The following PPP2R2C variants were observed in gnomAD, a reference collection of about 807,000 sequenced individuals.
PPP2R2C encodes the protein protein phosphatase 2 regulatory subunit Bgamma.
PPP2R2C carries 10 observed loss-of-function variants against 45.3 expected under a neutral mutation model. That is an observed-to-expected ratio of 0.22 (90% CI 0.14 to 0.37). The LOEUF (loss-of-function observed/expected upper bound fraction) is 0.37, where lower values mean the gene tolerates loss of function less well. PPP2R2C is among the 10% of genes least tolerant of loss of function. PPP2R2C has a pLI of 1.00. For synonymous variants in PPP2R2C, 257 were observed against 245.4 expected (o/e 1.05, Z -0.44); for missense variants, 308 against 619.7 (o/e 0.50, Z 5.34).
In PPP2R2C at chr4:6,323,209, G is replaced by T; in HGVS notation, c.*93C>A. The T allele has an allele frequency of 6.9e-7, 1 of 1,446,788 alleles. No homozygotes were observed. The highest frequency in any genetic ancestry group is 9.4e-7 in the Non-Finnish European group (1 of 1,066,780). 89.6% of individuals were successfully genotyped at this position (1,446,788 alleles called of 1,614,324 possible). Reference sequence around the variant, plus strand: ...CTGCAGCTGTCCTCATCAGTGCTGTGACTTTCTTCCCCTCCTTGCATTGCG... The same window carrying T: ...CTGCAGCTGTCCTCATCAGTGCTGTTACTTTCTTCCCCTCCTTGCATTGCG... On this transcript the variant is annotated 3_prime_UTR_variant, in exon 9 of 9. Transcript: ENST00000382599.
chr4:6,428,275 CTG>C (rs1214623996), intron 1 of PPP2R2C, among the ~76,000 whole-genome samples: 3 of 152,186 alleles, frequency 2.0e-5, no homozygotes, highest in Non-Finnish European at 4.4e-5. Flanking sequence ...GTCAACATGG[CTG>C]TGTTTGGATC....
chr4:6,515,499 T>C (rs1170574054), intron 2 of PPP2R2C, among the ~76,000 whole-genome samples: 1 of 152,232 alleles, frequency 6.6e-6, no homozygotes, highest in African/African-American at 2.4e-5. Context: ...CATCTCTTTG[T>C]GTCCTGGTTT....
At chr4:6,434,562 C>T (rs4689006) in intron 1 of PPP2R2C, among the ~76,000 whole-genome samples, 149,686 of 152,044 alleles carry the variant, frequency 0.98, 73,717 homozygotes, top group Middle Eastern at 1. Flanking sequence ...TTTCGTGATG[C>T]TGGCCAGTCT....
intron 2 of PPP2R2C, among the ~76,000 whole-genome samples, chr4:6,497,444 G>A (rs1411340719): frequency 2.0e-5 from 3 of 152,070 alleles, no homozygotes; most frequent in African/African-American, 7.2e-5. Context: ...TTACTCGGTG[G>A]TGCTGGGAGA....
chr4:6,358,365 C>G (rs1264151710), intron 5 of PPP2R2C, among the ~76,000 whole-genome samples: 1 of 152,044 alleles, frequency 6.6e-6, no homozygotes, highest in South Asian at 2.1e-4. Flanking sequence ...AAATGTTAGA[C>G]CTAAAACCAG....
rs1313632210 is a variant in PPP2R2C, at chr4:6,373,746, G to A, written c.448-1046C>T. Among the ~76,000 whole-genome samples, 5 of 152,206 alleles carry A rather than the reference G, an allele frequency of 3.3e-5. No homozygotes were observed. The East Asian group carries it at 9.6e-4, about 29-fold the overall frequency. ...AGCACTGAGCTCCTTTGGAGCAGAGGCAGCTCTGCAGCCCACGTTAAATTT... is the reference window on the plus strand; with the variant it reads ...AGCACTGAGCTCCTTTGGAGCAGAGACAGCTCTGCAGCCCACGTTAAATTT... On this transcript the variant is annotated intron_variant, in intron 4 of 8. Coordinates refer to ENST00000382599, the MANE Select transcript of PPP2R2C (RefSeq NM_020416.4).
chr4:6,358,822 G>T (rs57859983), intron 5 of PPP2R2C, among the ~76,000 whole-genome samples: 1 of 151,984 alleles, frequency 6.6e-6, no homozygotes, highest in Non-Finnish European at 1.5e-5. Flanking sequence ...CTACAATGGC[G>T]ATCATTAAAA....
At position 6,471,199 on chromosome 4, in the gene PPP2R2C, G is replaced by A. The variant is rs1361732955; in HGVS notation, c.70+961C>T. On this transcript the variant is annotated intron_variant, in intron 1 of 8. Transcript: ENST00000382599. The surrounding 1 kb of genome is among the most constrained non-coding windows in gnomAD (Gnocchi z 5.6). ...GGAATCCGCGCACACTTCTGCGGCC[G>A]GGCCGCCAGCCCGTGGGTTAGCGGC... Among the ~76,000 whole-genome samples the A allele has an allele frequency of 2.6e-5, 4 of 152,170 alleles. No individual in the cohort carries two copies. The East Asian group carries it at 5.8e-4, about 22-fold the overall frequency.
intron 1 of PPP2R2C, among the ~76,000 whole-genome samples, chr4:6,432,734 G>A (rs1389459897): frequency 6.6e-6 from 1 of 152,190 alleles, no homozygotes; most frequent in Non-Finnish European, 1.5e-5. Flanking sequence ...CATCAATTTA[G>A]GTTGGGTTTC....
At chr4:6,352,223 G>A (rs893996471) in intron 5 of PPP2R2C, among the ~76,000 whole-genome samples, 1 of 151,972 alleles carries the variant, frequency 6.6e-6, no homozygotes, top group Non-Finnish European at 1.5e-5. Flanking sequence ...GTCTGGTCTT[G>A]GCTGTCACTC....
At chr4:6,468,805 G>A (rs1042474594) in intron 1 of PPP2R2C, among the ~76,000 whole-genome samples, 11 of 151,904 alleles carry the variant, frequency 7.2e-5, no homozygotes, top group African/African-American at 2.4e-4. Flanking sequence ...GAGGCCTGCC[G>A]CAAAAAGAGA....
At chr4:6,431,539 C>G (rs1196885345) in intron 1 of PPP2R2C, among the ~76,000 whole-genome samples, 1 of 152,172 alleles carries the variant, frequency 6.6e-6, no homozygotes, top group Non-Finnish European at 1.5e-5. Context: ...GTCTGTGTCC[C>G]CAAGGGGCTA....
intron 1 of PPP2R2C, among the ~76,000 whole-genome samples, chr4:6,442,890 G>A (rs1459482560): frequency 6.6e-6 from 1 of 152,226 alleles, no homozygotes; most frequent in East Asian, 1.9e-4. Flanking sequence ...GGGACGCTCT[G>A]CGTGATGAGT....
At chr4:6,359,386 C>T (rs1421138568) in intron 5 of PPP2R2C, among the ~76,000 whole-genome samples, 1 of 152,058 alleles carries the variant, frequency 6.6e-6, no homozygotes, top group Non-Finnish European at 1.5e-5. Flanking sequence ...AGGAGAAATA[C>T]CTAATGTAAA....
At chr4:6,561,565 T>C (rs2108847418) in intron 1 of PPP2R2C, among the ~76,000 whole-genome samples, 1 of 152,290 alleles carries the variant, frequency 6.6e-6, no homozygotes. Flanking sequence ...CATGCATTCA[T>C]TTTGCAATTT....
intron 1 of PPP2R2C, among the ~76,000 whole-genome samples, chr4:6,426,504 C>T (rs536808243): frequency 3.3e-5 from 5 of 152,118 alleles, no homozygotes; most frequent in African/African-American, 7.2e-5. Flanking sequence ...TGCAGCCACT[C>T]GGTCGGTGCA....
intron 2 of PPP2R2C, among the ~76,000 whole-genome samples, chr4:6,525,537 G>A (rs564858237): frequency 6.6e-5 from 10 of 151,900 alleles, no homozygotes; most frequent in South Asian, 2.1e-4. Flanking sequence ...CAATGGGACC[G>A]GAGGTCAGAC....
chr4:6,479,380 C>T (rs1160710421), intron 2 of PPP2R2C, among the ~76,000 whole-genome samples: 1 of 152,174 alleles, frequency 6.6e-6, no homozygotes, highest in African/African-American at 2.4e-5. Context: ...ATGGATCTTT[C>T]CTCCAGTGAA....
chr4:6,442,044 T>C (rs2108734575), intron 1 of PPP2R2C, among the ~76,000 whole-genome samples: 1 of 152,188 alleles, frequency 6.6e-6, no homozygotes, highest in South Asian at 2.1e-4. Flanking sequence ...TGTCCGTGGG[T>C]GGGGGAAGGC....
Sources: allele counts gnomAD v4.1 joint callset (sites outside exome capture counted in the v4.1 genomes callset), GRCh38; gene constraint gnomAD v4.1.1; non-coding constraint Gnocchi (gnomAD v3.1); transcripts MANE v1.5; gene names NCBI Gene and HGNC (gene_info 2026-07-23, HGNC 2026-07-21).